The following MBNL1 variants were observed in gnomAD, a reference collection of about 807,000 sequenced individuals.
The protein encoded by MBNL1 is muscleblind like splicing regulator 1.
In MBNL1, 8 loss-of-function variants were observed where a neutral mutation model predicts 42.2. The ratio of observed to expected loss-of-function variants is 0.19; its 90% confidence interval spans 0.11 to 0.34. The LOEUF (loss-of-function observed/expected upper bound fraction) is 0.34. MBNL1 is among the 10% of genes least tolerant of loss of function. MBNL1 has a pLI of 1.00. For missense variants in MBNL1, 309 were observed against 495.3 expected (o/e 0.62, Z 3.57); for synonymous variants, 169 against 173.9 (o/e 0.97, Z 0.22).
intron 8 of MBNL1, among the ~76,000 whole-genome samples, chr3:152,456,996 GA>G (rs749115035): frequency 2.7e-4 from 41 of 152,120 alleles, no homozygotes; most frequent in Non-Finnish European, 5.1e-4. Context: ...TGAAGGAAAA[GA>G]AAAGAAATTA....
chr3:152,252,130 A>ACCTTCCTT lies in MBNL1; in HGVS notation n.333+7693_333+7694insTCCTTCCT, dbSNP rs1284365010. On this transcript the variant is annotated intron_variant and non_coding_transcript_variant, in intron 2 of 2. Coordinates refer to the MBNL1 transcript ENST00000477171. ...AGCCCATCCATTCTAGAACAAACTAACCTACCTTCCTTCCTTCCTTCCTTC... is the reference window on the plus strand; with the variant it reads ...AGCCCATCCATTCTAGAACAAACTAACCTTCCTTCCTACCTTCCTTCCTTCCTTCCTTC... 4.6e-5 allele frequency among the ~76,000 whole-genome samples: 5 copies of ACCTTCCTT among 107,782 alleles called. No individual in the cohort carries two copies. The South Asian group carries it at 9.0e-4, about 19-fold the overall frequency. 70.7% of individuals were successfully genotyped at this position (107,782 alleles called of 152,430 possible). A position where few individuals can be genotyped will look rare whatever the true frequency, so the allele number is the denominator to read the frequency against.
At chr3:152,272,920 A>G (rs1049266870) in intron 1 of MBNL1, among the ~76,000 whole-genome samples, 2 of 152,244 alleles carry the variant, frequency 1.3e-5, no homozygotes, top group African/African-American at 2.4e-5. Context: ...TTTTCTAGCC[A>G]TATAAAGTAT....
chr3:152,398,433 T>TA (rs2098081056), intron 2 of MBNL1, among the ~76,000 whole-genome samples: 2 of 152,160 alleles, frequency 1.3e-5, no homozygotes, highest in African/African-American at 4.8e-5. Context: ...TTTTAAATAT[T>TA]ATGGCTGAAT....
At chr3:152,331,401 T>G (rs1345692764) in intron 2 of MBNL1, among the ~76,000 whole-genome samples, 2 of 152,214 alleles carry the variant, frequency 1.3e-5, no homozygotes, top group African/African-American at 4.8e-5. Context: ...ACAAAATGAC[T>G]CAGGAATTTG....
At chr3:152,335,225 A>T in intron 2 of MBNL1, 1 of 1,289,778 alleles carries the variant, frequency 7.8e-7, no homozygotes, top group Non-Finnish European at 1.0e-6. Context: ...TGGCTAATGG[A>T]TGCTGGTGAG....
At chr3:152,362,791 AAGT>A (rs2096072362) in intron 2 of MBNL1, among the ~76,000 whole-genome samples, 1 of 152,188 alleles carries the variant, frequency 6.6e-6, no homozygotes, top group Non-Finnish European at 1.5e-5. Context: ...AAAACAAAAA[AAGT>A]AGTTCACTTA....
rs538925174 is a variant in MBNL1, at chr3:152,317,983, G to A, written c.174+17616G>A. Among the ~76,000 whole-genome samples, 31 of 152,282 alleles carry A rather than the reference G, an allele frequency of 2.0e-4. No individual in the cohort carries two copies. In the South Asian group the frequency reaches 5.6e-3, roughly 27 times the overall value. Reference sequence around the variant, plus strand: ...GAATATAGTTTTGCAAAATATTAATGTATGAAAGTAGTCCTAAGACTGCAA... The same window carrying A: ...GAATATAGTTTTGCAAAATATTAATATATGAAAGTAGTCCTAAGACTGCAA... On this transcript the variant is annotated intron_variant, in intron 2 of 9. Coordinates refer to ENST00000324210, the MANE Select transcript of MBNL1 (RefSeq NM_021038.5).
chr3:152,371,679 G>T (rs2096667617), intron 2 of MBNL1, among the ~76,000 whole-genome samples: 1 of 152,204 alleles, frequency 6.6e-6, no homozygotes, highest in Non-Finnish European at 1.5e-5. Context: ...CTGTTAGTCT[G>T]ATGGGCTTCC....
intron 3 of MBNL1, among the ~76,000 whole-genome samples, chr3:152,429,788 GTGTT>G (rs756172724): frequency 2.0e-5 from 3 of 151,366 alleles, no homozygotes; most frequent in African/African-American, 4.9e-5. Context: ...GGAATGGTGT[GTGTT>G]TGTGTGTGTG....
At chr3:152,359,612 CATTCCTGG>C (rs1026470242) in intron 2 of MBNL1, among the ~76,000 whole-genome samples, 1 of 152,184 alleles carries the variant, frequency 6.6e-6, no homozygotes, top group Admixed American at 6.5e-5. Flanking sequence ...GGCTCCTGCA[CATTCCTGG>C]AGAGGCCAAG....
intron 1 of MBNL1, among the ~76,000 whole-genome samples, chr3:152,289,508 A>C (rs2054573828): frequency 6.6e-6 from 1 of 152,080 alleles, no homozygotes; most frequent in African/African-American, 2.4e-5. Context: ...AAACCAGGGA[A>C]AAACAACTGG....
intron 2 of MBNL1, among the ~76,000 whole-genome samples, chr3:152,398,945 T>C (rs557415638): frequency 6.6e-6 from 1 of 152,248 alleles, no homozygotes; most frequent in Non-Finnish European, 1.5e-5. Flanking sequence ...TAAATTTAGC[T>C]TCTTTTTTGA....
At chr3:152,315,215 A>T (rs921252275) in intron 2 of MBNL1, among the ~76,000 whole-genome samples, 3 of 152,224 alleles carry the variant, frequency 2.0e-5, no homozygotes, top group Non-Finnish European at 4.4e-5. Context: ...AGTTGCCAAA[A>T]ATGGTGCCGT....
chr3:152,414,808 T>A, intron 2 of MBNL1, 133 bp from the exon 3 acceptor site: 1 of 766,950 alleles, frequency 1.3e-6, no homozygotes. Context: ...AAATGTATGA[T>A]CAAATGATAT....
intron 2 of MBNL1, among the ~76,000 whole-genome samples, chr3:152,366,237 C>T (rs536634750): frequency 3.2e-4 from 48 of 152,058 alleles, no homozygotes; most frequent in Non-Finnish European, 6.3e-4. Context: ...AGGTTTCTAA[C>T]CTTGAGTTTA....
At chr3:152,344,454 G>GA (rs1386400614) in intron 2 of MBNL1, among the ~76,000 whole-genome samples, 3 of 152,228 alleles carry the variant, frequency 2.0e-5, no homozygotes, top group Non-Finnish European at 4.4e-5. Flanking sequence ...CAGAGACACT[G>GA]GTACCTTGTA....
chr3:152,432,082 G>T (rs1331900875), intron 3 of MBNL1, among the ~76,000 whole-genome samples: 2 of 152,090 alleles, frequency 1.3e-5, no homozygotes, highest in African/African-American at 2.4e-5. Context: ...GGTGTGATAG[G>T]CTAGTGGAAC....
intron 7 of MBNL1, 136 bp downstream of exon 7, chr3:152,455,713 C>T (rs1732300624): frequency 5.4e-6 from 4 of 738,722 alleles, no homozygotes. Context: ...CAATTAAATG[C>T]CATTTTCTGT....
At chr3:152,420,854 G>A (rs1338444204) in intron 3 of MBNL1, among the ~76,000 whole-genome samples, 1 of 152,154 alleles carries the variant, frequency 6.6e-6, no homozygotes, top group Non-Finnish European at 1.5e-5. Context: ...CCCAATGCAA[G>A]GAAGTTAAGA....
Sources: gnomAD v4.1 joint callset for allele counts (sites outside exome capture counted in the v4.1 genomes callset) on GRCh38, gnomAD v4.1.1 for gene constraint, MANE v1.5 for transcripts, NCBI Gene and HGNC (gene_info 2026-07-23, HGNC 2026-07-21) for gene names.